Variants in MGST3 observed in about 807,000 individuals in gnomAD.
The protein encoded by MGST3 is microsomal glutathione S-transferase 3.
A neutral mutation model predicts 15.8 loss-of-function variants in MGST3; 13 were observed. The observed-to-expected ratio is 0.82, with a 90% CI of 0.54 to 1.31. The LOEUF (loss-of-function observed/expected upper bound fraction) is 1.31, where lower values mean the gene tolerates loss of function less well. Ranked by LOEUF, MGST3 falls within the 50% of genes most tolerant of loss-of-function variation. MGST3 has a pLI of 0.00. For missense variants in MGST3, 155 were observed against 192.4 expected (o/e 0.81, Z 1.15); for synonymous variants, 49 against 68.1 (o/e 0.72, Z 1.38).
intron 1 of MGST3, among the ~76,000 whole-genome samples, chr1:165,641,182 C>T (rs9333422): frequency 0.013 from 1,666 of 130,398 alleles, 41 homozygotes; most frequent in African/African-American, 0.04. Flanking sequence ...AACTTTGTCT[C>T]AAAACAAAAA....
At chr1:165,651,184 A>G in intron 3 of MGST3, 97 bp downstream of exon 3, 1 of 1,011,324 alleles carries the variant, frequency 9.9e-7, no homozygotes, top group Non-Finnish European at 1.6e-6. Context: ...GCTGAGTCAT[A>G]GTGATGGTGA....
intron 1 of MGST3, among the ~76,000 whole-genome samples, chr1:165,641,573 A>C (rs1328949740): frequency 2.0e-5 from 3 of 152,252 alleles, no homozygotes; most frequent in Admixed American, 6.5e-5. Flanking sequence ...TACAGTTACC[A>C]GTATTTATTT....
chr1:165,638,577 A>C (rs1173794073), intron 1 of MGST3, among the ~76,000 whole-genome samples: 1 of 152,118 alleles, frequency 6.6e-6, no homozygotes, highest in Non-Finnish European at 1.5e-5. Context: ...TGAGGTCAGG[A>C]GTTCAAGACC....
At chr1:165,639,036 G>A (rs552509281) in intron 1 of MGST3, among the ~76,000 whole-genome samples, 1 of 152,280 alleles carries the variant, frequency 6.6e-6, no homozygotes, top group East Asian at 1.9e-4. Flanking sequence ...ACATTGGAAA[G>A]GAAGAAGTAA....
At chr1:165,654,454 G>A (rs1648652311) in intron 5 of MGST3, 103 bp downstream of exon 5, 1 of 1,045,420 alleles carries the variant, frequency 9.6e-7, no homozygotes, top group Non-Finnish European at 1.5e-6. Flanking sequence ...ACTTTGGGAG[G>A]CGAAGGCAGG....
In MGST3 at chr1:165,655,512, T is replaced by G; in HGVS notation, c.*8T>G. On this transcript the variant is annotated 3_prime_UTR_variant, in exon 6 of 6. Coordinates refer to ENST00000367889, the MANE Select transcript of MGST3 (RefSeq NM_004528.4). ...CCCAAATGCTGCCATTAAAGAATTA[T>G]AGGGGTTTAAAAACTCTCATTCATT... is the stretch of plus-strand genomic sequence containing the variant. 1 of 1,614,100 alleles carries G rather than the reference T, an allele frequency of 6.2e-7. No homozygotes were observed. Among genetic ancestry groups the G allele is most frequent in the Non-Finnish European group, 8.5e-7 (1 of 1,180,002 alleles).
intron 1 of MGST3, among the ~76,000 whole-genome samples, chr1:165,644,666 T>C (rs9333443): frequency 5.5e-4 from 84 of 152,384 alleles, no homozygotes; most frequent in African/African-American, 2.0e-3. Flanking sequence ...TTTTTTACTA[T>C]AATTTTTAAA....
chr1:165,651,131 G>A (rs1648543724), intron 3 of MGST3, 44 bp downstream of exon 3: 3 of 1,557,060 alleles, frequency 1.9e-6, no homozygotes, highest in African/African-American at 1.4e-5. Context: ...CTGCAGAGTG[G>A]GTGTTTTCTG....
intron 1 of MGST3, chr1:165,635,949 T>C (rs1451822700): frequency 2.6e-5 from 4 of 152,232 alleles, no homozygotes; most frequent in Admixed American, 2.6e-4. Flanking sequence ...GGGAACAATC[T>C]ACTGAATATG....
intron 1 of MGST3, among the ~76,000 whole-genome samples, chr1:165,641,417 T>C (rs1648262431): frequency 6.6e-6 from 1 of 152,244 alleles, no homozygotes; most frequent in Admixed American, 6.5e-5. Context: ...TAGGAAACTC[T>C]ATTTTGCAAT....
chr1:165,647,094 G>T (rs915028810), intron 1 of MGST3: 2 of 152,198 alleles, frequency 1.3e-5, no homozygotes, highest in Non-Finnish European at 2.9e-5. Flanking sequence ...CCTTTCCAAG[G>T]TCCTAACTGT....
In MGST3 at chr1:165,655,667, CAGT is replaced by C. The variant is rs1648690042; in HGVS notation, c.*166_*168del. On this transcript the variant is annotated 3_prime_UTR_variant, in exon 6 of 6. Coordinates refer to ENST00000367889, the MANE Select transcript of MGST3 (RefSeq NM_004528.4). ...TTCCGTTTGAGTCTGTATCTGAAATCAGTAGCCTAGTCCTACTAGATGAGAAAG... is the reference window on the plus strand; with the variant it reads ...TTCCGTTTGAGTCTGTATCTGAAATCAGCCTAGTCCTACTAGATGAGAAAG... 1.2e-6 allele frequency: 1 copy of C among 832,734 alleles called. No individual in the cohort carries two copies. The highest frequency in any genetic ancestry group is 1.9e-6 in the Non-Finnish European group (1 of 533,214). The allele number at this position is 832,734 out of a possible 1,614,324, so 51.6% of individuals were successfully genotyped here.
At chr1:165,635,972 C>G (rs4147600) in intron 1 of MGST3, 102,442 of 152,070 alleles carry the variant, frequency 0.67, 35,277 homozygotes, top group East Asian at 0.82. Flanking sequence ...ATGCAATTGT[C>G]GGGGGATAGT....
At chr1:165,642,590 A>ATATGTAACG (rs1248955744) in intron 1 of MGST3, among the ~76,000 whole-genome samples, 1 of 152,224 alleles carries the variant, frequency 6.6e-6, no homozygotes, top group Non-Finnish European at 1.5e-5. Flanking sequence ...AAACATTAGC[A>ATATGTAACG]TATGTAACGT....
chr1:165,637,660 A>G lies in MGST3; in HGVS notation c.-8+6367A>G, dbSNP rs562340012. Among the ~76,000 whole-genome samples the G allele has an allele frequency of 3.6e-4, 55 of 152,210 alleles. 1 individual carries two copies. The highest frequency in any genetic ancestry group is 6.9e-4 in the Non-Finnish European group (47 of 68,032). ...GAAGCAAGAATTAGAGGAAAGGTTG[A>G]GCAACATTTTGGTATTTGAATAGCT... On this transcript the variant is annotated intron_variant, in intron 1 of 5. Transcript: ENST00000367889.
chr1:165,633,404 A>C (rs1226965652), intron 1 of MGST3, among the ~76,000 whole-genome samples: 1 of 152,032 alleles, frequency 6.6e-6, no homozygotes, highest in Non-Finnish European at 1.5e-5. Context: ...ATTAACTGGA[A>C]CTTGCGTTCT....
At chr1:165,638,324 C>G (rs948790200) in intron 1 of MGST3, among the ~76,000 whole-genome samples, 3 of 148,236 alleles carry the variant, frequency 2.0e-5, no homozygotes, top group East Asian at 2.0e-4. Flanking sequence ...ACTAAAAATA[C>G]AAAAAATTAG....
At chr1:165,652,318 C>T (rs1307163000) in intron 4 of MGST3, among the ~76,000 whole-genome samples, 1 of 152,224 alleles carries the variant, frequency 6.6e-6, no homozygotes, top group East Asian at 1.9e-4. Flanking sequence ...CTGTCTGGTT[C>T]TAAGTTTCAT....
At chr1:165,636,587 T>A (rs1193300642) in intron 1 of MGST3, among the ~76,000 whole-genome samples, 1 of 151,896 alleles carries the variant, frequency 6.6e-6, no homozygotes, top group Non-Finnish European at 1.5e-5. Context: ...AATACAAAAA[T>A]TAACCGGGGC....
Sources: gnomAD v4.1 joint callset for allele counts (sites outside exome capture counted in the v4.1 genomes callset) on GRCh38, gnomAD v4.1.1 for gene constraint, MANE v1.5 for transcripts, NCBI Gene and HGNC (gene_info 2026-07-23, HGNC 2026-07-21) for gene names.